Variants in RNF114 observed in about 807,000 individuals in gnomAD.
RNF114 encodes E3 ubiquitin-protein ligase RNF114.
Under a neutral mutation model 28.4 loss-of-function variants are expected in RNF114, and 6 were observed. The observed-to-expected ratio is 0.21, with a 90% CI of 0.12 to 0.42. The LOEUF is 0.42. Among genes scored for constraint, RNF114 ranks in the 10% least tolerant of loss-of-function variants. The pLI, the probability that RNF114 is intolerant of heterozygous loss-of-function variation, is 1.00. For missense variants in RNF114, 249 were observed against 311.7 expected, an observed-to-expected ratio of 0.80 and a Z score of 1.51; for synonymous variants, 115 against 116.7, an observed-to-expected ratio of 0.99 and a Z score of 0.09.
intron 1 of RNF114, among the ~76,000 whole-genome samples, chr20:49,939,200 C>A (rs554110967): frequency 8.5e-5 from 13 of 152,222 alleles, no homozygotes; most frequent in African/African-American, 2.9e-4. Flanking sequence ...TATTTTTAAT[C>A]ACTATCTGAA....
intron 2 of RNF114, chr20:49,941,925 A>G (rs763518307): frequency 1.8e-5 from 9 of 501,892 alleles, no homozygotes; most frequent in Admixed American, 4.2e-5. Context: ...TATATATTTT[A>G]GGTTTGAAAG....
At chr20:49,944,679 G>C (rs1261809894) in intron 2 of RNF114, 1 of 152,202 alleles carries the variant, frequency 6.6e-6, no homozygotes, top group Admixed American at 6.6e-5. Context: ...TCAGGAGTTC[G>C]AGACCAGCCT....
chr20:49,945,356 A>T (rs4810993), intron 2 of RNF114, 26 bp from the exon 3 acceptor site: 1 of 1,494,298 alleles, frequency 6.7e-7, no homozygotes, highest in Non-Finnish European at 9.3e-7. Context: ...TCACTAACTT[A>T]TGGGCTCTGA....
intron 5 of RNF114, 115 bp from the exon 6 acceptor site, chr20:49,951,961 C>A: frequency 1.4e-6 from 1 of 724,252 alleles, no homozygotes; most frequent in Non-Finnish European, 2.5e-6. Context: ...CACTGGGGAT[C>A]CGGTCCCTGG....
chr20:49,938,056 T>C (rs756525502), intron 1 of RNF114, among the ~76,000 whole-genome samples: 16 of 152,122 alleles, frequency 1.1e-4, no homozygotes, highest in Non-Finnish European at 2.1e-4. Flanking sequence ...CAGGTAATGG[T>C]TGAATGAACT....
intron 5 of RNF114, 87 bp downstream of exon 5, chr20:49,949,442 C>G (rs377625374): frequency 8.0e-6 from 9 of 1,120,940 alleles, no homozygotes; most frequent in African/African-American, 3.1e-5. Context: ...TGGGGATCCC[C>G]AGTGTTGAAC....
intron 4 of RNF114, among the ~76,000 whole-genome samples, chr20:49,947,780 T>G (rs1205075073): frequency 1.7e-4 from 4 of 23,940 alleles, no homozygotes; most frequent in South Asian, 2.2e-3. Flanking sequence ...TTTTTTTTTT[T>G]TTTTTTTTTT....
At chr20:49,940,587 G>T (rs1459949966) in intron 1 of RNF114, among the ~76,000 whole-genome samples, 1 of 151,928 alleles carries the variant, frequency 6.6e-6, no homozygotes, top group African/African-American at 2.4e-5. Flanking sequence ...GCTAATTTTT[G>T]TATTTTTAGT....
At chr20:49,946,567 G>T (rs1047839624) in intron 4 of RNF114, among the ~76,000 whole-genome samples, 2 of 152,052 alleles carry the variant, frequency 1.3e-5, no homozygotes, top group African/African-American at 4.8e-5. Context: ...TCATATTCAA[G>T]AAATTTAACA....
chr20:49,948,429 ATTTTTTTT>A (rs571295310), intron 4 of RNF114, among the ~76,000 whole-genome samples: 4 of 135,990 alleles, frequency 2.9e-5, no homozygotes, highest in African/African-American at 1.1e-4. Context: ...CTGGAGCACA[ATTTTTTTT>A]TTTTTTTTTT....
chr20:49,952,377 T>A lies in RNF114; in HGVS notation c.*236T>A, dbSNP rs1170316469. The A allele has an allele frequency of 1.8e-6, 1 of 549,570 alleles. No individual in the cohort carries two copies. The highest frequency in any genetic ancestry group is 3.3e-6 in the Non-Finnish European group (1 of 305,688). The allele number at this position is 549,570 out of a possible 1,614,324, so 34.0% of individuals were successfully genotyped here. A position where few individuals can be genotyped will look rare whatever the true frequency, so the allele number is the denominator to read the frequency against. ...TAACCTTGTTTGTCACACGGTCGAG[T>A]TCGTATTGGTTCTCGGCTACTTCCT... On this transcript the variant is annotated 3_prime_UTR_variant, in exon 6 of 6. Transcript: ENST00000244061.
intron 1 of RNF114, among the ~76,000 whole-genome samples, chr20:49,939,062 G>A (rs1020757379): frequency 3.9e-5 from 6 of 152,134 alleles, no homozygotes; most frequent in African/African-American, 1.4e-4. Flanking sequence ...CGTGATCTTG[G>A]TGTGGAGCTC....
intron 5 of RNF114, among the ~76,000 whole-genome samples, 189 bp from the exon 6 acceptor site, chr20:49,951,887 A>G (rs572761083): frequency 6.6e-6 from 1 of 151,760 alleles, no homozygotes; most frequent in Non-Finnish European, 1.5e-5. Context: ...AATAAAAAAA[A>G]AGAGAAGGCA....
chr20:49,940,409 A>AC (rs1363685176), intron 1 of RNF114, among the ~76,000 whole-genome samples: 1 of 130,576 alleles, frequency 7.7e-6, no homozygotes, highest in Non-Finnish European at 1.7e-5. Context: ...ATCCATCTGA[A>AC]CCCTTTTTTT....
rs1568920983 is a variant in RNF114 at position 49,947,795 on chromosome 20, T to TTTTG, written c.514-1450_514-1449insGTTT. Among the ~76,000 whole-genome samples the TTTTG allele has an allele frequency of 3.3e-3, 353 of 106,642 alleles. 5 individuals are homozygous for TTTTG. Among genetic ancestry groups the TTTTG allele is most frequent in the African/African-American group, 0.013 (345 of 26,758 alleles). 70.0% of individuals were successfully genotyped at this position (106,642 alleles called of 152,430 possible). On this transcript the variant is annotated intron_variant, in intron 4 of 5. Transcript: ENST00000244061. ...TTTTTTTTTTTTTTTTTTTTTTTTT[T>TTTTG]TTTTTTTTTTTTTTGAGGCGGAGTT...
At chr20:49,947,657 TTCTG>T (rs1211314770) in intron 4 of RNF114, among the ~76,000 whole-genome samples, 1 of 152,070 alleles carries the variant, frequency 6.6e-6, no homozygotes, top group Non-Finnish European at 1.5e-5. Flanking sequence ...CAGCCTAATT[TTCTG>T]TCTTTTTCCC....
At chr20:49,940,540 G>A (rs1053460428) in intron 1 of RNF114, among the ~76,000 whole-genome samples, 1 of 151,876 alleles carries the variant, frequency 6.6e-6, no homozygotes, top group African/African-American at 2.4e-5. Context: ...TAAGCCTCCC[G>A]AGTAGCTGGG....
intron 1 of RNF114, among the ~76,000 whole-genome samples, chr20:49,939,353 A>G (rs2090298668): frequency 6.6e-6 from 1 of 152,196 alleles, no homozygotes; most frequent in Admixed American, 6.6e-5. Flanking sequence ...TAACAGCATT[A>G]ACATCTAACT....
At chr20:49,948,487 G>A (rs2090343610) in intron 4 of RNF114, among the ~76,000 whole-genome samples, 1 of 150,964 alleles carries the variant, frequency 6.6e-6, no homozygotes. Flanking sequence ...CTGGAGGCTG[G>A]AGTGCAGTGG....
Sources: allele counts gnomAD v4.1 joint callset (sites outside exome capture counted in the v4.1 genomes callset), GRCh38; gene constraint gnomAD v4.1.1; transcripts MANE v1.5; gene names NCBI Gene and HGNC (gene_info 2026-07-23, HGNC 2026-07-21).